GOLGB1: variants seen among roughly 807,000 people sequenced by gnomAD.
GOLGB1 encodes the protein golgin subfamily B member 1.
GOLGB1 carries 174 observed loss-of-function variants against 336.9 expected under a neutral mutation model. That is an observed-to-expected ratio of 0.52 (90% confidence interval 0.46 to 0.59). GOLGB1 has a LOEUF of 0.59. GOLGB1 is among the 20% of genes least tolerant of loss of function. The pLI is 0.00. For missense variants in GOLGB1, 3,331 were observed against 3,645.3 expected, an observed-to-expected ratio of 0.91 and a Z score of 2.22; for synonymous variants, 1,208 against 1,289.2, an observed-to-expected ratio of 0.94 and a Z score of 1.35.
At position 121,697,004 on chromosome 3, in the gene GOLGB1, G is replaced by A. The variant is rs1305725977; in HGVS notation, c.3519C>T (p.Ala1173=). The A allele has an allele frequency of 1.9e-6, 3 of 1,613,828 alleles. No individual in the cohort carries two copies. Among genetic ancestry groups the A allele is most frequent in the East Asian group, 2.2e-5 (1 of 44,884 alleles). Residue 1173 remains alanine, a synonymous_variant, in exon 13 of 22, where the codon GCC becomes GCT. Coordinates refer to ENST00000614479, the MANE Select transcript of GOLGB1 (RefSeq NM_001366282.2). ...GAAGTTGCTCCTTTTCTTTTTCAAGGGCCAGTATCTTTTCTTCTAGTTCTG... is the reference window on the plus strand; with the variant it reads ...GAAGTTGCTCCTTTTCTTTTTCAAGAGCCAGTATCTTTTCTTCTAGTTCTG... ...WKPELEEKIL[A]LEKEKEQLQK... is the part of the protein sequence containing the mutation.
chr3:121,684,704 T>A (rs543974789), intron 14 of GOLGB1, among the ~76,000 whole-genome samples: 4 of 152,264 alleles, frequency 2.6e-5, no homozygotes, highest in African/African-American at 9.6e-5. Context: ...AGCAAAACTA[T>A]CAATCAGATA....
Position 121,693,727 on chromosome 3 carries a change from C to T in GOLGB1, c.6782+14G>A, listed in dbSNP as rs1560220359. 1 of 1,563,792 alleles carries T rather than the reference C, an allele frequency of 6.4e-7. No homozygotes were observed. Among genetic ancestry groups the T allele is most frequent in the Admixed American group, 1.8e-5 (1 of 56,078 alleles). Reference sequence around the variant, plus strand: ...AGTTACCTCTGGAGGAGGAAAAATTCACTACTCATTTACCTGGAAATGTTA... The same window carrying T: ...AGTTACCTCTGGAGGAGGAAAAATTTACTACTCATTTACCTGGAAATGTTA... On this transcript the variant is annotated intron_variant, in intron 13 of 21. Transcript: ENST00000614479.
At chr3:121,730,468 A>G (rs1353919574) in intron 2 of GOLGB1, among the ~76,000 whole-genome samples, 1 of 152,212 alleles carries the variant, frequency 6.6e-6, no homozygotes, top group African/African-American at 2.4e-5. Flanking sequence ...AAAAGAAAAT[A>G]CAATACAAAC....
At position 121,697,439 on chromosome 3, in the gene GOLGB1, A is replaced by T. The variant is rs1375102056; in HGVS notation, c.3084T>A (p.Ser1028=). The T allele has an allele frequency of 6.2e-7, 1 of 1,610,900 alleles. No individual in the cohort carries two copies. The highest frequency in any genetic ancestry group is 8.5e-7 in the Non-Finnish European group (1 of 1,179,384). Residue 1028 remains serine (S), a synonymous_variant, in exon 13 of 22, where the codon TCT becomes TCA. Transcript: ENST00000614479. Reference sequence around the variant, plus strand: ...TCTCACTGAGTGGGATTTCTTTCTTAGATTCATCTTTCAAGTTGGCTAATT... The same window carrying T: ...TCTCACTGAGTGGGATTTCTTTCTTTGATTCATCTTTCAAGTTGGCTAATT... ...EEELANLKDE[S]KKEIPLSETE...
chr3:121,715,486 T>A (rs1293349965), intron 9 of GOLGB1, among the ~76,000 whole-genome samples: 1 of 150,924 alleles, frequency 6.6e-6, no homozygotes, highest in Non-Finnish European at 1.5e-5. Flanking sequence ...CCCAAAGTGC[T>A]GGAATAGCAG....
rs757462798 is a variant in GOLGB1 at position 121,695,161 on chromosome 3, T to C, written c.5362A>G (p.Thr1788Ala). The part of the protein sequence containing the change: ...LEATEKHDNQ[T>A]NVTEEGTQSI... ...TGTGTTCCCTCTTCAGTGACATTCG[T>C]TTGGTTATCATGTTTCTCGGTGGCC... Residue 1788 changes from threonine (T) to alanine (A), a missense_variant, in exon 13 of 22, where the codon ACG becomes GCG. Physicochemically the swap from Thr to Ala is moderately conservative, Grantham distance 58 (BLOSUM62 0). Transcript: ENST00000614479. 23 of 1,613,942 alleles carry C rather than the reference T, an allele frequency of 1.4e-5. No homozygotes were observed. Among genetic ancestry groups the C allele is most frequent in the African/African-American group, 8.0e-5 (6 of 74,904 alleles).
At chr3:121,740,284 A>T (rs1946764687) in intron 1 of GOLGB1, among the ~76,000 whole-genome samples, 1 of 152,250 alleles carries the variant, frequency 6.6e-6, no homozygotes, top group Non-Finnish European at 1.5e-5. Flanking sequence ...ATTATGTATT[A>T]GTTTTGCAAA....
rs775029301 is a variant in GOLGB1, at chr3:121,714,859, ACCTGTGTGC to A, written c.1397_1404+1del. The A allele has an allele frequency of 6.5e-7, 1 of 1,526,784 alleles. No homozygotes were observed. Among genetic ancestry groups the A allele is most frequent in the South Asian group, 1.1e-5 (1 of 89,244 alleles). 94.6% of individuals were successfully genotyped at this position (1,526,784 alleles called of 1,614,324 possible). The stretch of plus-strand genomic sequence containing the variant: ...ATTCATAAGAAGTTCACATTTAATT[ACCTGTGTGC>A]CCTCATTATAAACATCTGGGAAAGA... On this transcript the variant is annotated splice_donor_variant and coding_sequence_variant, in exon 10 of 22. Coordinates refer to ENST00000614479, the MANE Select transcript of GOLGB1 (RefSeq NM_001366282.2). LOFTEE classifies it high-confidence loss of function.
intron 3 of GOLGB1, 123 bp downstream of exon 3, chr3:121,729,742 G>A: frequency 2.8e-6 from 2 of 725,316 alleles, no homozygotes; most frequent in Non-Finnish European, 4.5e-6. Flanking sequence ...TAGGCATAAG[G>A]TTACAGTACT....
chr3:121,708,460 A>T (rs370981318), intron 10 of GOLGB1, among the ~76,000 whole-genome samples: 1 of 151,740 alleles, frequency 6.6e-6, no homozygotes, highest in African/African-American at 2.4e-5. Flanking sequence ...ACATAGTGAG[A>T]CCTTGTCTCT....
rs1399613161 is a variant in GOLGB1, at chr3:121,696,641, A to C, written c.3882T>G (p.Pro1294=). 2.5e-6 allele frequency: 4 copies of C among 1,614,056 alleles called. No homozygotes were observed. The highest frequency in any genetic ancestry group is 1.7e-5 in the Admixed American group (1 of 59,994). The change falls in exon 13 of 22, where the codon CCT becomes CCG. Residue 1294 remains proline, a synonymous_variant. Transcript: ENST00000614479. Reference sequence around the variant, plus strand: ...GAGCACTCGCATCTTCAGAATGAGAAGGCCAGTCTGGGCACAAGTTGGACT... The same window carrying C: ...GAGCACTCGCATCTTCAGAATGAGACGGCCAGTCTGGGCACAAGTTGGACT... The part of the protein sequence containing the change: ...VLESNLCPDW[P]SHSEDASALQ...
chr3:121,693,899 C>T lies in GOLGB1; in HGVS notation c.6624G>A (p.Arg2208=), dbSNP rs371578929. The change falls in exon 13 of 22, where the codon AGG becomes AGA. Residue 2208 remains arginine (R), a synonymous_variant. Coordinates refer to ENST00000614479, the MANE Select transcript of GOLGB1 (RefSeq NM_001366282.2). Reference sequence around the variant, plus strand: ...CCCATTTCTTAGCTTCATCTATCACCCTGTCACGATCATCCTGGAGGGAAG... The same window carrying T: ...CCCATTTCTTAGCTTCATCTATCACTCTGTCACGATCATCCTGGAGGGAAG... ...SMSSLQDDRD[R]VIDEAKKWER... 6.2e-7 allele frequency: 1 copy of T among 1,614,006 alleles called. No homozygotes were observed. Among genetic ancestry groups the T allele is most frequent in the Non-Finnish European group, 8.5e-7 (1 of 1,179,896 alleles).
chr3:121,685,161 TA>T (rs1941583126), intron 14 of GOLGB1, among the ~76,000 whole-genome samples: 1 of 152,160 alleles, frequency 6.6e-6, no homozygotes, highest in Non-Finnish European at 1.5e-5. Flanking sequence ...TTTGTAGTCA[TA>T]AAAAATGTAA....
chr3:121,749,010 C>T lies in GOLGB1; in HGVS notation c.-3+622G>A, dbSNP rs560932109. 1.3e-4 allele frequency: 83 copies of T among 637,406 alleles called. No individual in the cohort carries two copies. In the African/African-American group the frequency reaches 1.6e-3, roughly 12 times the overall value. 39.5% of individuals were successfully genotyped at this position (637,406 alleles called of 1,614,324 possible). ...CCTTTTTCTCTAACAGCCTGCCCAC[C>T]TCTGATTCCTGGGATTTTCGTGTTG... is the stretch of plus-strand genomic sequence containing the variant. On this transcript the variant is annotated intron_variant, in intron 1 of 21. Coordinates refer to ENST00000614479, the MANE Select transcript of GOLGB1 (RefSeq NM_001366282.2).
At chr3:121,670,660 T>C (rs559951803) in intron 17 of GOLGB1, among the ~76,000 whole-genome samples, 12 of 151,716 alleles carry the variant, frequency 7.9e-5, no homozygotes, top group Admixed American at 2.6e-4. Flanking sequence ...TCAAGTGTGG[T>C]TCTTGATTCC....
Position 121,729,919 on chromosome 3 carries a change from T to A in GOLGB1, c.195A>T (p.Lys65Asn), listed in dbSNP as rs1380402310. Residue 65 changes from lysine (K) to asparagine (N), a missense_variant, in exon 3 of 22, where the codon AAA becomes AAT. By Grantham distance (94) the Lys-to-Asn change is moderately conservative. Coordinates refer to ENST00000614479, the MANE Select transcript of GOLGB1 (RefSeq NM_001366282.2). ...AYAEQLVVEL[K>N]DIIRQKDVQL... ...GAACATCCTTCTGTCTAATAATATCTTTTAGCTCCACCACCAATTGCTCTG... is the reference window on the plus strand; with the variant it reads ...GAACATCCTTCTGTCTAATAATATCATTTAGCTCCACCACCAATTGCTCTG... 1 of 1,611,358 alleles carries A rather than the reference T, an allele frequency of 6.2e-7. No individual in the cohort carries two copies.
At chr3:121,664,903 C>T (rs1345811956) in intron 21 of GOLGB1, 23 bp downstream of exon 21, 1 of 1,382,958 alleles carries the variant, frequency 7.2e-7, no homozygotes, top group Non-Finnish European at 1.0e-6. Context: ...AAAACACCCT[C>T]TCTTTATCCT....
At position 121,664,981 on chromosome 3, in the gene GOLGB1, C is replaced by T; in HGVS notation, c.9605G>A (p.Cys3202Tyr). The T allele has an allele frequency of 1.2e-6, 2 of 1,612,536 alleles. No homozygotes were observed. The highest frequency in any genetic ancestry group is 1.7e-6 in the Non-Finnish European group (2 of 1,178,526). Residue 3202 changes from cysteine (C) to tyrosine (Y), a missense_variant, in exon 21 of 22, where the codon TGT (cysteine) becomes TAT (tyrosine). By Grantham distance (194) the Cys-to-Tyr change is radical. Transcript: ENST00000614479. ...DSSRTPIIGSCGTQEQALLID... is the reference protein window; with the variant it reads ...DSSRTPIIGSYGTQEQALLID... ...TAACAGTGCCTGCTCCTGAGTGCCA[C>T]AGGAGCCAATGATAGGAGTCCGGGA...
intron 14 of GOLGB1, among the ~76,000 whole-genome samples, chr3:121,689,948 A>G (rs1448148977): frequency 6.6e-6 from 1 of 152,182 alleles, no homozygotes; most frequent in East Asian, 1.9e-4. Flanking sequence ...GGCTTGGCTC[A>G]TACAGTTCCA....
Sources: gnomAD v4.1 joint callset for allele counts (sites outside exome capture counted in the v4.1 genomes callset) on GRCh38, gnomAD v4.1.1 for gene constraint, MANE v1.5 for transcripts, NCBI Gene and HGNC (gene_info 2026-07-23, HGNC 2026-07-21) for gene names.